AGPAT4: variants seen among roughly 807,000 people sequenced by gnomAD.
AGPAT4 encodes 1-acylglycerol-3-phosphate O-acyltransferase 4.
A neutral mutation model predicts 48.0 loss-of-function variants in AGPAT4; 15 were observed. The ratio of observed to expected loss-of-function variants is 0.31; its 90% CI spans 0.21 to 0.48. The LOEUF is 0.48. AGPAT4 is among the 20% of genes least tolerant of loss of function. The pLI, the probability that AGPAT4 is intolerant of heterozygous loss-of-function variation, is 0.99. For synonymous variants in AGPAT4, 178 were observed against 198.7 expected (o/e 0.90, Z 0.88); for missense variants, 314 against 482.5 (o/e 0.65, Z 3.27).
chr6:161,167,593 C>T (rs1455159920), intron 2 of AGPAT4, among the ~76,000 whole-genome samples: 2 of 152,156 alleles, frequency 1.3e-5, no homozygotes, highest in African/African-American at 4.8e-5. Context: ...CCCTCCCCAC[C>T]CCATCCCTAC....
At position 161,146,966 on chromosome 6, in the gene AGPAT4, T is replaced by C. The variant is rs1779450279; in HGVS notation, c.768-367A>G. 6.6e-6 allele frequency among the ~76,000 whole-genome samples: 1 copy of C among 152,104 alleles called. No homozygotes were observed. Among genetic ancestry groups the C allele is most frequent in the Non-Finnish European group, 1.5e-5 (1 of 68,024 alleles). The stretch of plus-strand genomic sequence containing the variant: ...CTGCCTCAGTTTCCACACGAGACAA[T>C]CCAATATACACAGAATCGATGCATC... On this transcript the variant is annotated intron_variant, in intron 6 of 8. Coordinates refer to ENST00000320285, the MANE Select transcript of AGPAT4 (RefSeq NM_020133.3). This position sits in a 1 kb window ranked among gnomAD's most constrained non-coding sequence, Gnocchi z 7.1.
At position 161,231,606 on chromosome 6, in the gene AGPAT4, T is replaced by C. The variant is rs902951221; in HGVS notation, c.178+430A>G. On this transcript the variant is annotated intron_variant, in intron 2 of 8. Coordinates refer to ENST00000320285, the MANE Select transcript of AGPAT4 (RefSeq NM_020133.3). This position sits in a 1 kb window ranked among gnomAD's most constrained non-coding sequence, Gnocchi z 5.3. ...AGAAAAAAGGCAAGGAAGAAAACAATATAGTATACTGCCACTTAGTTTTTT... is the reference window on the plus strand; with the variant it reads ...AGAAAAAAGGCAAGGAAGAAAACAACATAGTATACTGCCACTTAGTTTTTT... Among the ~76,000 whole-genome samples, 2 of 152,124 alleles carry C rather than the reference T, an allele frequency of 1.3e-5. No homozygotes were observed. The highest frequency in any genetic ancestry group is 2.4e-5 in the African/African-American group (1 of 41,406).
chr6:161,242,464 A>G lies in AGPAT4; in HGVS notation c.-89-10162T>C, dbSNP rs528520816. On this transcript the variant is annotated intron_variant, in intron 1 of 8. Coordinates refer to ENST00000320285, the MANE Select transcript of AGPAT4 (RefSeq NM_020133.3). The surrounding 1 kb of genome is among the most constrained non-coding windows in gnomAD (Gnocchi z 5.0). ...GAGCCTCAGTGGCACCTTTTCTCCAAGTAGAAGGCCACATCCTCCAAACCC... is the reference window on the plus strand; with the variant it reads ...GAGCCTCAGTGGCACCTTTTCTCCAGGTAGAAGGCCACATCCTCCAAACCC... Among the ~76,000 whole-genome samples, 2 of 152,214 alleles carry G rather than the reference A, an allele frequency of 1.3e-5. No homozygotes were observed. The highest frequency in any genetic ancestry group is 1.3e-4 in the Admixed American group (2 of 15,262).
In AGPAT4 at chr6:161,198,773, A is replaced by G. The variant is rs1043655860; in HGVS notation, c.179-32356T>C. 7.2e-5 allele frequency among the ~76,000 whole-genome samples: 11 copies of G among 152,166 alleles called. No homozygotes were observed. The highest frequency in any genetic ancestry group is 1.6e-4 in the Non-Finnish European group (11 of 68,026). ...TCTGTTTTTTCCTTTACACTGACGG[A>G]GTGCGTGAATGTTAACAGGGAAACT... On this transcript the variant is annotated intron_variant, in intron 2 of 8. Coordinates refer to ENST00000320285, the MANE Select transcript of AGPAT4 (RefSeq NM_020133.3). The surrounding 1 kb of genome is among the most constrained non-coding windows in gnomAD (Gnocchi z 4.3).
rs992715107 is a variant in AGPAT4 at position 161,149,867 on chromosome 6, A to C, written c.665-578T>G. Among the ~76,000 whole-genome samples the C allele has an allele frequency of 3.3e-5, 5 of 152,188 alleles. No individual in the cohort carries two copies. Among genetic ancestry groups the C allele is most frequent in the African/African-American group, 1.2e-4 (5 of 41,452 alleles). On this transcript the variant is annotated intron_variant, in intron 5 of 8. Transcript: ENST00000320285. The surrounding 1 kb of genome is among the most constrained non-coding windows in gnomAD (Gnocchi z 6.5). ...CAGATCACTTTTAAAGCAATACTGCAAAGTCAGGTCTAGAGGTACTACGAC... is the reference window on the plus strand; with the variant it reads ...CAGATCACTTTTAAAGCAATACTGCCAAGTCAGGTCTAGAGGTACTACGAC...
chr6:161,223,509 G>A lies in AGPAT4; in HGVS notation c.178+8527C>T, dbSNP rs1231768413. On this transcript the variant is annotated intron_variant, in intron 2 of 8. Coordinates refer to ENST00000320285, the MANE Select transcript of AGPAT4 (RefSeq NM_020133.3). This position sits in a 1 kb window ranked among gnomAD's most constrained non-coding sequence, Gnocchi z 6.3. ...CAGGTGAATTGCCTGTTCACATAGC[G>A]GTGTTATTAAATGAGGTAATGGCTA... is the stretch of plus-strand genomic sequence containing the variant. Among the ~76,000 whole-genome samples the A allele has an allele frequency of 6.6e-6, 1 of 152,132 alleles. No homozygotes were observed. Among genetic ancestry groups the A allele is most frequent in the Non-Finnish European group, 1.5e-5 (1 of 68,034 alleles).
At position 161,226,603 on chromosome 6, in the gene AGPAT4, C is replaced by T. The variant is rs1290488503; in HGVS notation, c.178+5433G>A. Among the ~76,000 whole-genome samples the T allele has an allele frequency of 6.6e-6, 1 of 152,354 alleles. No homozygotes were observed. The highest frequency in any genetic ancestry group is 1.9e-4 in the East Asian group (1 of 5,182). ...ACATCAGGAAGCTGCCGCCCTCCAT[C>T]TTCTCTCACTTCTCAGAGAGTCAGA... On this transcript the variant is annotated intron_variant, in intron 2 of 8. Coordinates refer to ENST00000320285, the MANE Select transcript of AGPAT4 (RefSeq NM_020133.3). This position sits in a 1 kb window ranked among gnomAD's most constrained non-coding sequence, Gnocchi z 6.3.
Position 161,223,743 on chromosome 6 carries a change from T to C in AGPAT4, c.178+8293A>G, listed in dbSNP as rs953474258. On this transcript the variant is annotated intron_variant, in intron 2 of 8. Transcript: ENST00000320285. The surrounding 1 kb of genome is among the most constrained non-coding windows in gnomAD (Gnocchi z 6.3). ...GGACACATGGCCTCACCTCCAGAGCTTGGCTCCTCAAATGCAGGGCAGGGC... is the reference window on the plus strand; with the variant it reads ...GGACACATGGCCTCACCTCCAGAGCCTGGCTCCTCAAATGCAGGGCAGGGC... 1.3e-5 allele frequency among the ~76,000 whole-genome samples: 2 copies of C among 152,180 alleles called. No individual in the cohort carries two copies. Among genetic ancestry groups the C allele is most frequent in the African/African-American group, 4.8e-5 (2 of 41,448 alleles).
rs1422631858 is a variant in AGPAT4, at chr6:161,135,407, A to G, written c.*1133T>C. 5 of 152,344 alleles carry G rather than the reference A, an allele frequency of 3.3e-5. No individual in the cohort carries two copies. The highest frequency in any genetic ancestry group is 6.8e-3 in the Middle Eastern group (2 of 294). 9.4% of individuals were successfully genotyped at this position (152,344 alleles called of 1,614,324 possible). A position where few individuals can be genotyped will look rare whatever the true frequency, so the allele number is the denominator to read the frequency against. On this transcript the variant is annotated 3_prime_UTR_variant, in exon 9 of 9. Coordinates refer to ENST00000320285, the MANE Select transcript of AGPAT4 (RefSeq NM_020133.3). ...GCATTTTTGGCACCTGTTGGCTGAC[A>G]GCAGTCTGCAAAGGCCGCTGGAGAT... is the stretch of plus-strand genomic sequence containing the variant.
rs1402471983 is a variant in AGPAT4 at position 161,270,144 on chromosome 6, T to A, written c.-90+3794A>T. The stretch of plus-strand genomic sequence containing the variant: ...TGTAAACCCATTTGAAAACTATAAC[T>A]ATTTAAACTGTATCTTGTTTTGCTC... On this transcript the variant is annotated intron_variant, in intron 1 of 8. Transcript: ENST00000320285. This position sits in a 1 kb window ranked among gnomAD's most constrained non-coding sequence, Gnocchi z 5.3. Among the ~76,000 whole-genome samples, 1 of 152,246 alleles carries A rather than the reference T, an allele frequency of 6.6e-6. No individual in the cohort carries two copies. The highest frequency in any genetic ancestry group is 1.9e-4 in the East Asian group (1 of 5,196).
rs1583269695 is a variant in AGPAT4 at position 161,136,460 on chromosome 6, G to T, written c.*80C>A. 5 of 1,340,400 alleles carry T rather than the reference G, an allele frequency of 3.7e-6. 1 individual carries two copies. In the East Asian group the frequency reaches 1.2e-4, roughly 31 times the overall value. 83.0% of individuals were successfully genotyped at this position (1,340,400 alleles called of 1,614,324 possible). A position where few individuals can be genotyped will look rare whatever the true frequency, so the allele number is the denominator to read the frequency against. ...CCCAGCAGGGGCTCACCCAGCCTTTGTCACCGTGTCCCACTAAGGAGGATA... is the reference window on the plus strand; with the variant it reads ...CCCAGCAGGGGCTCACCCAGCCTTTTTCACCGTGTCCCACTAAGGAGGATA... On this transcript the variant is annotated 3_prime_UTR_variant, in exon 9 of 9. Transcript: ENST00000320285.
chr6:161,165,849 G>C lies in AGPAT4; in HGVS notation c.348+399C>G. ...GTGATGTCTGCCTGTTAGCCAAGGAGGCAGTAGAGCATGGAATTAAGAAAT... is the reference window on the plus strand; with the variant it reads ...GTGATGTCTGCCTGTTAGCCAAGGACGCAGTAGAGCATGGAATTAAGAAAT... On this transcript the variant is annotated intron_variant, in intron 3 of 8. Coordinates refer to ENST00000320285, the MANE Select transcript of AGPAT4 (RefSeq NM_020133.3). The surrounding 1 kb of genome is among the most constrained non-coding windows in gnomAD (Gnocchi z 5.5). 1.7e-6 allele frequency: 1 copy of C among 593,228 alleles called. No individual in the cohort carries two copies. The highest frequency in any genetic ancestry group is 3.0e-6 in the Non-Finnish European group (1 of 329,388). The allele number at this position is 593,228 out of a possible 1,614,324, so 36.7% of individuals were successfully genotyped here. A position where few individuals can be genotyped will look rare whatever the true frequency, so the allele number is the denominator to read the frequency against.
intron 2 of AGPAT4, among the ~76,000 whole-genome samples, chr6:161,190,262 G>C (rs1178276060): frequency 6.6e-6 from 1 of 152,168 alleles, no homozygotes; most frequent in Non-Finnish European, 1.5e-5. Context: ...TTCATCAATT[G>C]TAACAAATGT....
Position 161,238,925 on chromosome 6 carries a change from C to A in AGPAT4, c.-89-6623G>T, listed in dbSNP as rs560069752. Among the ~76,000 whole-genome samples, 26 of 152,302 alleles carry A rather than the reference C, an allele frequency of 1.7e-4. No individual in the cohort carries two copies. The South Asian group carries it at 5.4e-3, about 32-fold the overall frequency. On this transcript the variant is annotated intron_variant, in intron 1 of 8. Coordinates refer to ENST00000320285, the MANE Select transcript of AGPAT4 (RefSeq NM_020133.3). The surrounding 1 kb of genome is among the most constrained non-coding windows in gnomAD (Gnocchi z 5.2). Reference sequence around the variant, plus strand: ...GATTGTAAGTTTCCTGAGGCCTCTCCAGCCCTGCAGAACTGTGAGTCAATT... The same window carrying A: ...GATTGTAAGTTTCCTGAGGCCTCTCAAGCCCTGCAGAACTGTGAGTCAATT...
intron 3 of AGPAT4, among the ~76,000 whole-genome samples, chr6:161,163,610 T>C (rs934629528): frequency 1.3e-5 from 2 of 152,104 alleles, no homozygotes; most frequent in Non-Finnish European, 2.9e-5. Flanking sequence ...GCAGCTCCCA[T>C]CCGCCCCAGC....
chr6:161,259,917 G>C lies in AGPAT4; in HGVS notation c.-90+14021C>G, dbSNP rs1274246576. Among the ~76,000 whole-genome samples, 2 of 152,178 alleles carry C rather than the reference G, an allele frequency of 1.3e-5. No homozygotes were observed. The highest frequency in any genetic ancestry group is 1.3e-4 in the Admixed American group (2 of 15,278). ...TAAGTTCACCATTGAGTCACATCCT[G>C]GTTCTTGCTTCCCTTCTCAGACCCA... On this transcript the variant is annotated intron_variant, in intron 1 of 8. Coordinates refer to ENST00000320285, the MANE Select transcript of AGPAT4 (RefSeq NM_020133.3). The surrounding 1 kb of genome is among the most constrained non-coding windows in gnomAD (Gnocchi z 4.9).
At chr6:161,271,136 C>G (rs1469376807) in intron 1 of AGPAT4, among the ~76,000 whole-genome samples, 1 of 152,178 alleles carries the variant, frequency 6.6e-6, no homozygotes, top group African/African-American at 2.4e-5. Context: ...TCTACTTATG[C>G]TTTCAACCAG....
chr6:161,138,890 A>C lies in AGPAT4; in HGVS notation c.1042+532T>G, dbSNP rs75714031. Among the ~76,000 whole-genome samples, 3,558 of 152,138 alleles carry C rather than the reference A, an allele frequency of 0.023. 136 individuals are homozygous for C. Among genetic ancestry groups the C allele is most frequent in the African/African-American group, 0.081 (3,378 of 41,482 alleles). On this transcript the variant is annotated intron_variant, in intron 8 of 8. Transcript: ENST00000320285. This position sits in a 1 kb window ranked among gnomAD's most constrained non-coding sequence, Gnocchi z 4.8. ...GGGTGCACAGGGGCTTGCCACCAAG[A>C]AGCAGCAGTAGCCCGAGAATACCGG...
rs567496246 is a variant in AGPAT4, at chr6:161,165,584, C to A, written c.348+664G>T. ...GTGATTCCTACGGAATACCTGAGTA[C>A]CGCAGATGACTCTGATTCAGCTATG... is the stretch of plus-strand genomic sequence containing the variant. On this transcript the variant is annotated intron_variant, in intron 3 of 8. Coordinates refer to ENST00000320285, the MANE Select transcript of AGPAT4 (RefSeq NM_020133.3). This position sits in a 1 kb window ranked among gnomAD's most constrained non-coding sequence, Gnocchi z 5.5. The A allele has an allele frequency of 5.5e-5, 71 of 1,298,396 alleles. 2 individuals are homozygous for A. The South Asian group carries it at 8.4e-4, about 15-fold the overall frequency. The allele number at this position is 1,298,396 out of a possible 1,614,324, so 80.4% of individuals were successfully genotyped here.
Sources: allele counts gnomAD v4.1 joint callset (sites outside exome capture counted in the v4.1 genomes callset), GRCh38; gene constraint gnomAD v4.1.1; non-coding constraint Gnocchi (gnomAD v3.1); transcripts MANE v1.5; gene names NCBI Gene and HGNC (gene_info 2026-07-23, HGNC 2026-07-21).